Variants in PPM1E observed in about 807,000 individuals in gnomAD.
PPM1E encodes the protein protein phosphatase, Mg2+/Mn2+ dependent 1E.
Under a neutral mutation model 65.9 loss-of-function variants are expected in PPM1E, and 20 were observed. That is an observed-to-expected ratio of 0.30 (90% CI 0.21 to 0.44). The LOEUF is 0.44. Ranked by LOEUF, PPM1E falls within the 20% of genes least tolerant of loss-of-function variation. The probability of loss-of-function intolerance (pLI) is 1.00; values close to 1 mark genes in which losing one functional copy is unlikely to be tolerated. For missense variants in PPM1E, 713 were observed against 953.1 expected, an observed-to-expected ratio of 0.75 and a Z score of 3.32; for synonymous variants, 352 against 374.9, an observed-to-expected ratio of 0.94 and a Z score of 0.70.
chr17:58,776,856 A>G (rs1044483123), intron 1 of PPM1E, among the ~76,000 whole-genome samples: 3 of 152,162 alleles, frequency 2.0e-5, no homozygotes, highest in Non-Finnish European at 4.4e-5. Flanking sequence ...TTAGAGAGAA[A>G]CCCAGAATGG....
At chr17:58,972,355 C>CT (rs367596903) in intron 5 of PPM1E, 80 bp downstream of exon 5, 116,737 of 1,075,372 alleles carry the variant, frequency 0.11, no homozygotes, top group East Asian at 0.12. Flanking sequence ...GATTCACTTA[C>CT]TTTTTTTTTT....
intron 1 of PPM1E, among the ~76,000 whole-genome samples, chr17:58,952,388 A>C (rs919350167): frequency 5.9e-5 from 9 of 152,112 alleles, no homozygotes; most frequent in African/African-American, 2.2e-4. Context: ...GTGCAGGCAC[A>C]CAGTTTCTTG....
chr17:58,975,276 A>G (rs2030924961), intron 6 of PPM1E, among the ~76,000 whole-genome samples: 1 of 152,224 alleles, frequency 6.6e-6, no homozygotes, highest in Admixed American at 6.5e-5. Context: ...CTTGTTACAG[A>G]ACTAACTTAA....
chr17:58,805,079 C>T (rs1157641420), intron 1 of PPM1E, among the ~76,000 whole-genome samples: 2 of 151,966 alleles, frequency 1.3e-5, no homozygotes, highest in African/African-American at 4.8e-5. Context: ...CTTTCTACCT[C>T]CCTGAGATCA....
Position 58,945,114 on chromosome 17 carries a change from A to T in PPM1E, c.465-10535A>T, listed in dbSNP as rs555580287. The stretch of plus-strand genomic sequence containing the variant: ...ACTAATGATGTTAAAAGGGGAAGAA[A>T]AAAACCTGTTTTTCTGTACAGTCAC... On this transcript the variant is annotated intron_variant, in intron 1 of 6. Transcript: ENST00000308249. 6.3e-4 allele frequency among the ~76,000 whole-genome samples: 96 copies of T among 151,878 alleles called. 1 individual carries two copies. Among genetic ancestry groups the T allele is most frequent in the African/African-American group, 2.2e-3 (90 of 41,422 alleles).
At chr17:58,970,632 C>G (rs989350149) in intron 4 of PPM1E, among the ~76,000 whole-genome samples, 4 of 152,086 alleles carry the variant, frequency 2.6e-5, no homozygotes, top group Non-Finnish European at 5.9e-5. Flanking sequence ...TAACTCAGAC[C>G]TATTTGGTAT....
intron 1 of PPM1E, among the ~76,000 whole-genome samples, chr17:58,843,329 A>T (rs1433007421): frequency 6.6e-6 from 1 of 150,568 alleles, no homozygotes; most frequent in Non-Finnish European, 1.5e-5. Flanking sequence ...CCCTCTCAAA[A>T]AAAAAAAAAA....
At chr17:58,803,893 T>C (rs2050281422) in intron 1 of PPM1E, among the ~76,000 whole-genome samples, 1 of 152,244 alleles carries the variant, frequency 6.6e-6, no homozygotes, top group Non-Finnish European at 1.5e-5. Flanking sequence ...TAGTAGTGTT[T>C]TAAAATATGT....
chr17:58,805,949 TAAAAAAAAAAACA>T (rs1228504473), intron 1 of PPM1E, among the ~76,000 whole-genome samples: 19 of 21,666 alleles, frequency 8.8e-4, no homozygotes, highest in East Asian at 3.0e-3. Context: ...GCTGTTCTGC[TAAAAAAAAAAACA>T]AAAAAAAAAA....
chr17:58,874,027 G>A lies in PPM1E; in HGVS notation c.465-81622G>A, dbSNP rs182501972. On this transcript the variant is annotated intron_variant, in intron 1 of 6. Coordinates refer to ENST00000308249, the MANE Select transcript of PPM1E (RefSeq NM_014906.5). ...AAGGAAGTCAGCCAACATCGCTTTC[G>A]TTGGGCAGACTCAAAAACGAGTAGG... is the stretch of plus-strand genomic sequence containing the variant. 3.8e-4 allele frequency among the ~76,000 whole-genome samples: 58 copies of A among 152,154 alleles called. No individual in the cohort carries two copies. In the South Asian group the frequency reaches 1.0e-2, roughly 26 times the overall value.
At chr17:58,848,776 T>C (rs1018156865) in intron 1 of PPM1E, among the ~76,000 whole-genome samples, 2 of 152,258 alleles carry the variant, frequency 1.3e-5, no homozygotes, top group African/African-American at 4.8e-5. Context: ...ATCAGGACGA[T>C]GTTGGCCTCA....
At chr17:58,802,037 C>T (rs1331880371) in intron 1 of PPM1E, among the ~76,000 whole-genome samples, 1 of 152,062 alleles carries the variant, frequency 6.6e-6, no homozygotes, top group South Asian at 2.1e-4. Context: ...GAATTACAGG[C>T]GTGAGCCATC....
At chr17:58,767,734 C>T (rs1464558082) in intron 1 of PPM1E, among the ~76,000 whole-genome samples, 1 of 152,140 alleles carries the variant, frequency 6.6e-6, no homozygotes, top group East Asian at 1.9e-4. Flanking sequence ...CCTCCGCCTC[C>T]TGGGTTCAAG....
intron 1 of PPM1E, among the ~76,000 whole-genome samples, chr17:58,830,085 G>A (rs988573050): frequency 6.6e-6 from 1 of 152,026 alleles, no homozygotes; most frequent in African/African-American, 2.4e-5. Flanking sequence ...TAAGGTAGGA[G>A]GATCACTTGA....
In PPM1E at chr17:58,969,663, C is replaced by T; in HGVS notation, c.908C>T (p.Ala303Val). 2 of 1,614,166 alleles carry T rather than the reference C, an allele frequency of 1.2e-6. No homozygotes were observed. Among genetic ancestry groups the T allele is most frequent in the Non-Finnish European group, 1.7e-6 (2 of 1,180,020 alleles). The change falls in exon 4 of 7, where the codon GCT becomes GTT. Residue 303 changes from alanine (A) to valine (V), a missense_variant. Transcript: ENST00000308249. ...VRQEMFPHDP[A>V]EALCRAFRVT... is the part of the protein sequence containing the mutation. ...CAGGAGATGTTCCCCCATGATCCTGCTGAGGCCCTGTGCAGGGCCTTCCGG... is the reference window on the plus strand; with the variant it reads ...CAGGAGATGTTCCCCCATGATCCTGTTGAGGCCCTGTGCAGGGCCTTCCGG...
chr17:58,925,185 C>G (rs935918415), intron 1 of PPM1E, among the ~76,000 whole-genome samples: 5 of 152,130 alleles, frequency 3.3e-5, no homozygotes. Flanking sequence ...CTAATTTACA[C>G]TCCCACCAAC....
rs1357847473 is a variant in PPM1E at position 58,982,806 on chromosome 17, C to A, written c.*1775C>A. 2.1e-5 allele frequency: 23 copies of A among 1,092,386 alleles called. No homozygotes were observed. Among genetic ancestry groups the A allele is most frequent in the South Asian group, 3.0e-5 (2 of 66,308 alleles). 67.7% of individuals were successfully genotyped at this position (1,092,386 alleles called of 1,614,324 possible). A position where few individuals can be genotyped will look rare whatever the true frequency, so the allele number is the denominator to read the frequency against. On this transcript the variant is annotated 3_prime_UTR_variant, in exon 7 of 7. Coordinates refer to ENST00000308249, the MANE Select transcript of PPM1E (RefSeq NM_014906.5). ...CATGGCCCCAACTATAGTGCCGGAA[C>A]CTTTTCATCATTCTGAGGCTTTGCC...
chr17:58,965,702 A>T lies in PPM1E; in HGVS notation c.592A>T (p.Thr198Ser). 2.5e-6 allele frequency: 4 copies of T among 1,613,958 alleles called. No individual in the cohort carries two copies. Among genetic ancestry groups the T allele is most frequent in the Non-Finnish European group, 3.4e-6 (4 of 1,179,866 alleles). Residue 198 changes from threonine (T) to serine (S), a missense_variant, in exon 3 of 7, where the codon ACA becomes TCA. Physicochemically the swap from Thr to Ser is moderately conservative, Grantham distance 58 (BLOSUM62 1). Coordinates refer to ENST00000308249, the MANE Select transcript of PPM1E (RefSeq NM_014906.5). The part of the protein sequence containing the change: ...DGTEGTVEIE[T>S]VKLARSVFSK... ...CTGTGTTTCTTTCACAGAGATTGAG[A>T]CAGTGAAATTGGCCCGTTCTGTCTT...
intron 1 of PPM1E, among the ~76,000 whole-genome samples, chr17:58,913,401 A>G (rs772617163): frequency 4.6e-5 from 7 of 152,168 alleles, no homozygotes; most frequent in Non-Finnish European, 1.0e-4. Flanking sequence ...AAAACTTTTT[A>G]ATTTTGGATA....
Sources: allele counts gnomAD v4.1 joint callset (sites outside exome capture counted in the v4.1 genomes callset), GRCh38; gene constraint gnomAD v4.1.1; transcripts MANE v1.5; gene names NCBI Gene and HGNC (gene_info 2026-07-23, HGNC 2026-07-21).